The following NAA15 variants were observed in gnomAD, a reference collection of about 807,000 sequenced individuals.
NAA15 encodes the protein N-alpha-acetyltransferase 15, NatA auxiliary subunit.
NAA15 carries 34 observed loss-of-function variants against 114.0 expected under a neutral mutation model. The observed-to-expected ratio is 0.30, with a 90% CI of 0.23 to 0.40. The LOEUF is 0.40. Ranked by LOEUF, NAA15 falls within the 10% of genes least tolerant of loss-of-function variation. The pLI, the probability that NAA15 is intolerant of heterozygous loss-of-function variation, is 1.00. For synonymous variants in NAA15, 340 were observed against 338.0 expected (o/e 1.01, Z -0.06); for missense variants, 658 against 1,004.5 (o/e 0.66, Z 4.66).
At chr4:139,357,972 A>G (rs575162145) in intron 11 of NAA15, among the ~76,000 whole-genome samples, 2 of 152,274 alleles carry the variant, frequency 1.3e-5, no homozygotes, top group East Asian at 3.9e-4. Context: ...TCTACAGGTT[A>G]TCTCTTTTGA....
At chr4:139,337,981 T>A (rs887408161) in intron 3 of NAA15, among the ~76,000 whole-genome samples, 5 of 152,232 alleles carry the variant, frequency 3.3e-5, no homozygotes, top group African/African-American at 1.2e-4. Flanking sequence ...TAGATAGATG[T>A]CTTTCCATCA....
At chr4:139,333,852 A>G (rs1747112124) in intron 1 of NAA15, among the ~76,000 whole-genome samples, 1 of 152,246 alleles carries the variant, frequency 6.6e-6, no homozygotes, top group South Asian at 2.1e-4. Flanking sequence ...GTGAGCTGTC[A>G]TCACGCCACT....
intron 1 of NAA15, among the ~76,000 whole-genome samples, chr4:139,324,988 A>G (rs375184140): frequency 3.3e-5 from 5 of 152,342 alleles, no homozygotes; most frequent in African/African-American, 1.2e-4. Flanking sequence ...TATAATTTCA[A>G]TAAGGACATA....
At chr4:139,360,887 A>C (rs965850680) in intron 13 of NAA15, among the ~76,000 whole-genome samples, 4 of 152,046 alleles carry the variant, frequency 2.6e-5, no homozygotes, top group African/African-American at 9.7e-5. Flanking sequence ...TGATTTTTGA[A>C]CCTTCCAAAT....
intron 2 of NAA15, among the ~76,000 whole-genome samples, chr4:139,335,991 T>C (rs1747189372): frequency 6.6e-6 from 1 of 152,142 alleles, no homozygotes; most frequent in African/African-American, 2.4e-5. Context: ...ACTCCTGACC[T>C]CAAGTGATCT....
chr4:139,304,078 T>C (rs1219934130), intron 1 of NAA15, among the ~76,000 whole-genome samples: 1 of 152,130 alleles, frequency 6.6e-6, no homozygotes. Context: ...CCACCACGCC[T>C]GGCTAATTTT....
chr4:139,322,533 G>T (rs1222289242), intron 1 of NAA15, among the ~76,000 whole-genome samples: 1 of 152,102 alleles, frequency 6.6e-6, no homozygotes, highest in African/African-American at 2.4e-5. Flanking sequence ...AGTCTTTAAC[G>T]TAGTCTCTTA....
chr4:139,320,252 A>G (rs532349488), intron 1 of NAA15, among the ~76,000 whole-genome samples: 1 of 152,208 alleles, frequency 6.6e-6, no homozygotes, highest in Non-Finnish European at 1.5e-5. Context: ...CCTCTTTGGG[A>G]TGTTGTTCTA....
chr4:139,351,197 T>C lies in NAA15; in HGVS notation c.818T>C (p.Met273Thr). 6.3e-7 allele frequency: 1 copy of C among 1,590,068 alleles called. No homozygotes were observed. Among genetic ancestry groups the C allele is most frequent in the Non-Finnish European group, 8.6e-7 (1 of 1,165,308 alleles). Reference protein sequence around the residue: ...GLEKALKPANMLERLKIYEEA... With the variant: ...GLEKALKPANTLERLKIYEEA... ...AATTTTTCTTTGTTTGCAGCTAATA[T>C]GTTAGAACGGCTAAAAATTTATGAG... The change falls in exon 8 of 20, where the codon ATG (methionine) becomes ACG (threonine). Residue 273 changes from methionine to threonine, a missense_variant. Around this residue, in one of 6 missense-constraint regions of NAA15, gnomAD observed 281 missense variants for 389.1 expected, o/e 0.72. Coordinates refer to ENST00000296543, the MANE Select transcript of NAA15 (RefSeq NM_057175.5).
At chr4:139,341,180 A>AT (rs914681414) in intron 4 of NAA15, 111 bp downstream of exon 4, 373 of 785,970 alleles carry the variant, frequency 4.7e-4, no homozygotes, top group Middle Eastern at 1.2e-3. Context: ...ATTTAATTGA[A>AT]TTTTTTTTTC....
chr4:139,361,972 T>A, intron 14 of NAA15, 35 bp downstream of exon 14: 1 of 1,453,650 alleles, frequency 6.9e-7, no homozygotes, highest in East Asian at 2.3e-5. Flanking sequence ...TGCTCTGATG[T>A]GTTTATGTGT....
chr4:139,304,160 C>T (rs192632132), intron 1 of NAA15, among the ~76,000 whole-genome samples: 6 of 152,312 alleles, frequency 3.9e-5, no homozygotes, highest in East Asian at 1.9e-4. Context: ...CCTAGTGATC[C>T]GCCCGCCTCG....
In NAA15 at chr4:139,359,884, A is replaced by C; in HGVS notation, c.1399A>C (p.Lys467Gln). The C allele has an allele frequency of 1.3e-6, 2 of 1,594,176 alleles. No individual in the cohort carries two copies. Among genetic ancestry groups the C allele is most frequent in the Non-Finnish European group, 1.7e-6 (2 of 1,175,714 alleles). Residue 467 changes from lysine to glutamine, a missense_variant, in exon 12 of 20, where the codon AAG becomes CAG. Transcript: ENST00000296543. Reference protein sequence around the residue: ...LIKEAEEMCSKFTREGTSAVE... With the variant: ...LIKEAEEMCSQFTREGTSAVE... ...TAAAGAAGCTGAAGAAATGTGCTCAAAGTTTACAAGGGTTTGTACAGCTAG... is the reference window on the plus strand; with the variant it reads ...TAAAGAAGCTGAAGAAATGTGCTCACAGTTTACAAGGGTTTGTACAGCTAG...
intron 3 of NAA15, among the ~76,000 whole-genome samples, chr4:139,337,643 T>C (rs1747242460): frequency 6.6e-6 from 1 of 152,240 alleles, no homozygotes; most frequent in African/African-American, 2.4e-5. Context: ...TTGCTATTTT[T>C]AAGATAGACT....
At chr4:139,377,218 C>G (rs1279557084) in intron 16 of NAA15, among the ~76,000 whole-genome samples, 5 of 151,998 alleles carry the variant, frequency 3.3e-5, no homozygotes, top group Non-Finnish European at 7.4e-5. Flanking sequence ...TAACATGGTA[C>G]TTCTCTATAT....
intron 1 of NAA15, among the ~76,000 whole-genome samples, chr4:139,310,819 A>G (rs924660711): frequency 1.1e-4 from 16 of 151,630 alleles, no homozygotes; most frequent in Non-Finnish European, 1.9e-4. Flanking sequence ...GGGTTTCACC[A>G]TGTTGGCCAG....
intron 2 of NAA15, 34 bp downstream of exon 2, chr4:139,334,292 C>A: frequency 7.3e-7 from 1 of 1,364,666 alleles, no homozygotes; most frequent in Non-Finnish European, 1.0e-6. Context: ...TACTACATAC[C>A]TGTCTGGCCT....
chr4:139,366,612 TTTTTTTA>T (rs1254533494), intron 14 of NAA15, among the ~76,000 whole-genome samples: 1 of 151,070 alleles, frequency 6.6e-6, no homozygotes, highest in Non-Finnish European at 1.5e-5. Context: ...GGTTTTTTTT[TTTTTTTA>T]AATTTTTGAG....
At chr4:139,315,180 T>C (rs1047838770) in intron 1 of NAA15, among the ~76,000 whole-genome samples, 1 of 151,738 alleles carries the variant, frequency 6.6e-6, no homozygotes, top group Admixed American at 6.6e-5. Flanking sequence ...TGATAGAGGC[T>C]AATTCATTTT....
Sources: gnomAD v4.1 joint callset for allele counts (sites outside exome capture counted in the v4.1 genomes callset) on GRCh38, gnomAD v4.1.1 for gene constraint, gnomAD v4.1.1 regional missense constraint, MANE v1.5 for transcripts, NCBI Gene and HGNC (gene_info 2026-07-23, HGNC 2026-07-21) for gene names.